The following SORCS2 variants were observed in gnomAD, a reference collection of about 807,000 sequenced individuals.
The protein encoded by SORCS2 is sortilin related VPS10 domain containing receptor 2, also known as VPS10 domain-containing receptor SorCS2.
SORCS2 carries 100 observed loss-of-function variants against 141.6 expected under a neutral mutation model. That is an observed-to-expected ratio of 0.71 (90% CI 0.60 to 0.83). The LOEUF (loss-of-function observed/expected upper bound fraction) is 0.83, where lower values mean the gene tolerates loss of function less well. Ranked by LOEUF, SORCS2 falls within the 40% of genes least tolerant of loss-of-function variation. SORCS2 has a pLI of 0.00. For synonymous variants in SORCS2, 789 were observed against 676.9 expected (o/e 1.17, Z -2.57); for missense variants, 1,646 against 1,560.2 (o/e 1.05, Z -0.93).
Position 7,247,938 on chromosome 4 carries a change from G to T in SORCS2, c.480+54812G>T, listed in dbSNP as rs570996604. 6.6e-5 allele frequency among the ~76,000 whole-genome samples: 10 copies of T among 152,352 alleles called. No homozygotes were observed. The East Asian group carries it at 1.9e-3, about 29-fold the overall frequency. ...CGCGACTCTGTCCTGTCAGCAACGG[G>T]ATCCCCCCAAACTCCTTACTCCATG... On this transcript the variant is annotated intron_variant, in intron 1 of 26. Transcript: ENST00000507866.
intron 1 of SORCS2, among the ~76,000 whole-genome samples, chr4:7,284,668 C>A (rs1304816636): frequency 1.3e-5 from 2 of 152,186 alleles, no homozygotes; most frequent in Non-Finnish European, 2.9e-5. Context: ...TGCCTTGGAG[C>A]TCATACAGGC....
rs761420467 is a variant in SORCS2, at chr4:7,737,187, G to C, written c.3415+15G>C. 2.6e-6 allele frequency: 4 copies of C among 1,550,908 alleles called. No individual in the cohort carries two copies. The South Asian group carries it at 4.8e-5, about 18-fold the overall frequency. Reference sequence around the variant, plus strand: ...CGCTGTCCAGGGTGAGGAGTTTATAGATGATGATCTCGACTCGCAGACTCT... The same window carrying C: ...CGCTGTCCAGGGTGAGGAGTTTATACATGATGATCTCGACTCGCAGACTCT... On this transcript the variant is annotated intron_variant, in intron 26 of 26. Transcript: ENST00000507866.
chr4:7,237,890 C>T (rs561519704), intron 1 of SORCS2, among the ~76,000 whole-genome samples: 4 of 151,904 alleles, frequency 2.6e-5, no homozygotes, highest in Non-Finnish European at 5.9e-5. Flanking sequence ...TACCATGATC[C>T]ATCTGAAATG....
intron 1 of SORCS2, among the ~76,000 whole-genome samples, chr4:7,302,051 A>G (rs1490878963): frequency 6.6e-6 from 1 of 152,240 alleles, no homozygotes; most frequent in East Asian, 1.9e-4. Flanking sequence ...TGGGTAGGCC[A>G]AAGTGTCCGT....
intron 2 of SORCS2, among the ~76,000 whole-genome samples, chr4:7,472,968 C>T (rs71601844): frequency 0.14 from 21,460 of 151,890 alleles, 2,090 homozygotes; most frequent in African/African-American, 0.25. Flanking sequence ...AATACTACAT[C>T]TTATTTCATT....
chr4:7,723,963 C>T (rs1196348374), intron 19 of SORCS2, 80 bp downstream of exon 19: 6 of 1,441,670 alleles, frequency 4.2e-6, no homozygotes, highest in Middle Eastern at 1.8e-4. Flanking sequence ...CACAGGGAAG[C>T]CCCCGGGATT....
At chr4:7,543,427 C>CCATCCA (rs1712854326) in intron 3 of SORCS2, among the ~76,000 whole-genome samples, 2 of 151,192 alleles carry the variant, frequency 1.3e-5, no homozygotes, top group Admixed American at 6.6e-5. Flanking sequence ...ATCCATCCAT[C>CCATCCA]CGTCCATCCA....
At chr4:7,630,498 C>T (rs1362331707) in intron 3 of SORCS2, among the ~76,000 whole-genome samples, 1 of 152,150 alleles carries the variant, frequency 6.6e-6, no homozygotes, top group South Asian at 2.1e-4. Flanking sequence ...TGTCCAAGGC[C>T]ACATCTCAGT....
At position 7,425,014 on chromosome 4, in the gene SORCS2, C is replaced by T. The variant is rs193162270; in HGVS notation, c.548+28659C>T. Among the ~76,000 whole-genome samples, 30 of 152,320 alleles carry T rather than the reference C, an allele frequency of 2.0e-4. No individual in the cohort carries two copies. The East Asian group carries it at 3.7e-3, about 19-fold the overall frequency. On this transcript the variant is annotated intron_variant, in intron 2 of 26. Coordinates refer to ENST00000507866, the MANE Select transcript of SORCS2 (RefSeq NM_020777.3). ...TCCCTGGCCTTCTGTGACCTTGCCC[C>T]ATCTGTGGGCCGAGCTCAGGGACAC... is the stretch of plus-strand genomic sequence containing the variant.
chr4:7,469,964 GAAAGA>G (rs1729868084), intron 2 of SORCS2, among the ~76,000 whole-genome samples: 1 of 152,152 alleles, frequency 6.6e-6, no homozygotes, highest in African/African-American at 2.4e-5. Context: ...CTCTTAAAAA[GAAAGA>G]AGAGTGGAGG....
In SORCS2 at chr4:7,365,320, C is replaced by T. The variant is rs142633091; in HGVS notation, c.481-30968C>T. Reference sequence around the variant, plus strand: ...AGGGTGTGTGGGGAGTTCAGGAGGGCGCAAGGTTTGGGGGTCACTTAGGCA... The same window carrying T: ...AGGGTGTGTGGGGAGTTCAGGAGGGTGCAAGGTTTGGGGGTCACTTAGGCA... On this transcript the variant is annotated intron_variant, in intron 1 of 26. Transcript: ENST00000507866. Among the ~76,000 whole-genome samples the T allele has an allele frequency of 2.3e-3, 349 of 151,756 alleles. 3 individuals are homozygous for T. Among genetic ancestry groups the T allele is most frequent in the Middle Eastern group, 0.01 (3 of 294 alleles).
At chr4:7,347,284 G>A (rs571608035) in intron 1 of SORCS2, among the ~76,000 whole-genome samples, 1 of 152,316 alleles carries the variant, frequency 6.6e-6, no homozygotes, top group East Asian at 1.9e-4. Context: ...TGGCTCATAT[G>A]TTGTTATTGT....
chr4:7,395,204 G>C (rs1002921474), intron 1 of SORCS2, among the ~76,000 whole-genome samples: 1 of 141,018 alleles, frequency 7.1e-6, no homozygotes, highest in African/African-American at 2.7e-5. Flanking sequence ...AATCACCAGG[G>C]AAAGAAAGAT....
chr4:7,511,952 G>A (rs984909737), intron 2 of SORCS2, among the ~76,000 whole-genome samples: 12 of 152,324 alleles, frequency 7.9e-5, no homozygotes, highest in African/African-American at 2.6e-4. Flanking sequence ...GTCCTGGAGG[G>A]GCACGCGCTG....
At chr4:7,695,778 GGATGGATGGATGGATT>G (rs1221139911) in intron 11 of SORCS2, among the ~76,000 whole-genome samples, 5 of 45,090 alleles carry the variant, frequency 1.1e-4, no homozygotes, top group Non-Finnish European at 1.5e-4. Flanking sequence ...ATGGATGGAT[GGATGGATGGATGGATT>G]GGTGGGTGGG....
At chr4:7,424,147 G>C (rs1258423337) in intron 2 of SORCS2, among the ~76,000 whole-genome samples, 1 of 152,230 alleles carries the variant, frequency 6.6e-6, no homozygotes, top group Non-Finnish European at 1.5e-5. Flanking sequence ...GGCCATGTGT[G>C]AAAAGCGGGT....
At position 7,698,625 on chromosome 4, in the gene SORCS2, C is replaced by T. The variant is rs1033893266; in HGVS notation, c.1668+1351C>T. ...CGGATTGCAAGATAGTCATAGCAGT[C>T]GCTTTTGCCGAGGAATTTGCTTAGA... On this transcript the variant is annotated intron_variant, in intron 12 of 26. Coordinates refer to ENST00000507866, the MANE Select transcript of SORCS2 (RefSeq NM_020777.3). Among the ~76,000 whole-genome samples, 4 of 152,180 alleles carry T rather than the reference C, an allele frequency of 2.6e-5. No homozygotes were observed. The East Asian group carries it at 5.8e-4, about 22-fold the overall frequency.
In SORCS2 at chr4:7,193,594, C is replaced by G. The variant is rs1047606461; in HGVS notation, c.480+468C>G. ...GACTCCGCGGTGGCGCCTCCGCAGGCTCCGGGACTTCCCCGGTCAGCTCGA... is the reference window on the plus strand; with the variant it reads ...GACTCCGCGGTGGCGCCTCCGCAGGGTCCGGGACTTCCCCGGTCAGCTCGA... On this transcript the variant is annotated intron_variant, in intron 1 of 26. Coordinates refer to ENST00000507866, the MANE Select transcript of SORCS2 (RefSeq NM_020777.3). This position sits in a 1 kb window ranked among gnomAD's most constrained non-coding sequence, Gnocchi z 4.8. 6.6e-6 allele frequency among the ~76,000 whole-genome samples: 1 copy of G among 152,150 alleles called. No individual in the cohort carries two copies. The highest frequency in any genetic ancestry group is 2.4e-5 in the African/African-American group (1 of 41,436).
intron 3 of SORCS2, among the ~76,000 whole-genome samples, chr4:7,635,675 G>A (rs1005447005): frequency 3.2e-4 from 49 of 152,194 alleles, no homozygotes; most frequent in African/African-American, 1.0e-3. Flanking sequence ...ACGTTATTAT[G>A]TAATCAAAGC....
Sources: allele counts gnomAD v4.1 joint callset (sites outside exome capture counted in the v4.1 genomes callset), GRCh38; gene constraint gnomAD v4.1.1; non-coding constraint Gnocchi (gnomAD v3.1); transcripts MANE v1.5; gene names NCBI Gene and HGNC (gene_info 2026-07-23, HGNC 2026-07-21).